Variants in CFAP58 observed in about 807,000 individuals in gnomAD.
CFAP58 encodes the protein cilia- and flagella-associated protein 58.
CFAP58 carries 88 observed loss-of-function variants against 119.5 expected under a neutral mutation model. The ratio of observed to expected loss-of-function variants is 0.74; its 90% CI spans 0.62 to 0.88. The LOEUF is 0.88. Among genes scored for constraint, CFAP58 ranks in the 40% least tolerant of loss-of-function variants. The pLI, the probability that CFAP58 is intolerant of heterozygous loss-of-function variation, is 0.00. For missense variants in CFAP58, 990 were observed against 1,021.2 expected, an observed-to-expected ratio of 0.97 and a Z score of 0.42; for synonymous variants, 365 against 366.3, an observed-to-expected ratio of 1.00 and a Z score of 0.04.
At chr10:104,380,696 A>G in intron 9 of CFAP58, among the ~76,000 whole-genome samples, 1 of 152,188 alleles carries the variant, frequency 6.6e-6, no homozygotes, top group East Asian at 1.9e-4. Context: ...AGGTGTGTCA[A>G]TATTCAAAGA....
chr10:104,403,834 G>A lies in CFAP58; in HGVS notation c.2145G>A (p.Lys715=). ...CCCTGAATGTGCACAGATGGAGGAA[G>A]CTCGAGGTAACATCTGGCAGCGTGT... ...ENPLNVHRWR[K]LEASDPNAYE... is the part of the protein sequence containing the mutation. The change falls in exon 14 of 18, where the codon AAG becomes AAA. Residue 715 remains lysine (K), a synonymous_variant. Transcript: ENST00000369704. The A allele has an allele frequency of 1.2e-6, 2 of 1,605,444 alleles. No homozygotes were observed. The highest frequency in any genetic ancestry group is 1.7e-6 in the Non-Finnish European group (2 of 1,174,174).
At chr10:104,436,044 A>G (rs951421710) in intron 15 of CFAP58, among the ~76,000 whole-genome samples, 41 of 152,010 alleles carry the variant, frequency 2.7e-4, no homozygotes, top group African/African-American at 9.7e-4. Context: ...TTCCATCTCC[A>G]TATGCTCTTG....
chr10:104,416,481 G>A (rs1362814806), intron 15 of CFAP58, among the ~76,000 whole-genome samples: 2 of 152,132 alleles, frequency 1.3e-5, no homozygotes, highest in South Asian at 2.1e-4. Context: ...CTGACTGGAT[G>A]GAAGTCTGGT....
At chr10:104,363,835 G>C (rs1303744446) in intron 3 of CFAP58, among the ~76,000 whole-genome samples, 1 of 152,236 alleles carries the variant, frequency 6.6e-6, no homozygotes, top group Non-Finnish European at 1.5e-5. Context: ...AGCTGCAAGA[G>C]TCTGCAGTGC....
intron 15 of CFAP58, among the ~76,000 whole-genome samples, chr10:104,436,427 C>T (rs190586473): frequency 1.3e-5 from 2 of 152,250 alleles, no homozygotes; most frequent in African/African-American, 2.4e-5. Flanking sequence ...TTAAGTGGCT[C>T]ATCGTTCTGT....
chr10:104,392,275 A>G lies in CFAP58; in HGVS notation c.1408A>G (p.Ile470Val). The part of the protein sequence containing the change: ...MEDIKVRETQ[I>V]FDYRKKIAES... ...AGACATAAAAGTTCGTGAAACACAG[A>G]TTTTTGACTACAGGAAAAAAATAGC... Residue 470 changes from isoleucine (I) to valine (V), a missense_variant, in exon 10 of 18, where the codon ATT becomes GTT. Coordinates refer to ENST00000369704, the MANE Select transcript of CFAP58 (RefSeq NM_001008723.2). The G allele has an allele frequency of 6.2e-7, 1 of 1,613,108 alleles. No homozygotes were observed.
intron 15 of CFAP58, among the ~76,000 whole-genome samples, chr10:104,436,888 G>A (rs995025876): frequency 1.3e-5 from 2 of 152,160 alleles, no homozygotes; most frequent in African/African-American, 4.8e-5. Flanking sequence ...TAGCCAAATT[G>A]AACTACTTAC....
Position 104,371,025 on chromosome 10 carries a change from TA to T in CFAP58, c.1067del (p.Asn356IlefsTer6). On this transcript the variant is annotated frameshift_variant, in exon 7 of 18. Transcript: ENST00000369704. LOFTEE classifies it high-confidence loss of function. ...KAEVEQHKET[L>X]KNQIVGLERE... is the part of the protein sequence containing the mutation. ...GAAGTCGAACAGCACAAAGAAACCC[TA>T]AAAAATCAGATTGTGGGATTAGAGA... is the stretch of plus-strand genomic sequence containing the variant. The T allele has an allele frequency of 1.2e-6, 2 of 1,610,380 alleles. No homozygotes were observed.
intron 15 of CFAP58, among the ~76,000 whole-genome samples, chr10:104,443,480 C>G (rs2013070437): frequency 6.6e-6 from 1 of 152,190 alleles, no homozygotes; most frequent in African/African-American, 2.4e-5. Context: ...AACTCTCACC[C>G]AAGCAAATTG....
chr10:104,362,015 C>T lies in CFAP58; in HGVS notation c.292-8C>T. 1 of 1,612,144 alleles carries T rather than the reference C, an allele frequency of 6.2e-7. No individual in the cohort carries two copies. The highest frequency in any genetic ancestry group is 1.1e-5 in the South Asian group (1 of 90,816). Reference sequence around the variant, plus strand: ...GTCTTTCTCACTGATATCCTATGGCCCATCTAGGAAATTGAAAAGGCCTGG... The same window carrying T: ...GTCTTTCTCACTGATATCCTATGGCTCATCTAGGAAATTGAAAAGGCCTGG... On this transcript the variant is annotated splice_polypyrimidine_tract_variant and splice_region_variant and intron_variant, in intron 2 of 17. Transcript: ENST00000369704.
intron 2 of CFAP58, among the ~76,000 whole-genome samples, chr10:104,361,415 C>T (rs1425088902): frequency 6.6e-6 from 1 of 152,118 alleles, no homozygotes; most frequent in African/African-American, 2.4e-5. Context: ...TTCTAAAGTT[C>T]ACATTGTCAC....
At chr10:104,375,202 T>G (rs1039902228) in intron 7 of CFAP58, among the ~76,000 whole-genome samples, 18 of 150,720 alleles carry the variant, frequency 1.2e-4, no homozygotes, top group African/African-American at 4.4e-4. Flanking sequence ...TGTACTATGA[T>G]TCCCTTTTGG....
chr10:104,440,064 C>T (rs953788146), intron 15 of CFAP58, among the ~76,000 whole-genome samples: 1 of 152,152 alleles, frequency 6.6e-6, no homozygotes, highest in Non-Finnish European at 1.5e-5. Flanking sequence ...CCTCGTGATC[C>T]ACCCGCCTGG....
At chr10:104,391,653 A>T (rs778310457) in intron 9 of CFAP58, among the ~76,000 whole-genome samples, 24 of 152,188 alleles carry the variant, frequency 1.6e-4, no homozygotes, top group Non-Finnish European at 3.2e-4. Context: ...AAAATGAGGC[A>T]GTAGTTCTTG....
intron 8 of CFAP58, among the ~76,000 whole-genome samples, chr10:104,379,323 G>A (rs7908436): frequency 0.42 from 63,186 of 152,042 alleles, 13,339 homozygotes; most frequent in Middle Eastern, 0.5. Flanking sequence ...AAGTTCATCC[G>A]TTGTAGCACG....
Position 104,364,718 on chromosome 10 carries a change from G to A in CFAP58, c.441-15G>A, listed in dbSNP as rs1486156407. ...GATGGCCATTTAGTCTGACTCCTGT[G>A]TTCTTCCTTTTTAGCATCCGAGATT... On this transcript the variant is annotated splice_polypyrimidine_tract_variant and intron_variant, in intron 3 of 17. Coordinates refer to ENST00000369704, the MANE Select transcript of CFAP58 (RefSeq NM_001008723.2). 1 of 1,612,354 alleles carries A rather than the reference G, an allele frequency of 6.2e-7. No individual in the cohort carries two copies.
intron 9 of CFAP58, among the ~76,000 whole-genome samples, chr10:104,388,393 G>A (rs1454093382): frequency 6.6e-6 from 1 of 152,146 alleles, no homozygotes; most frequent in Non-Finnish European, 1.5e-5. Context: ...AGCCCTGTGA[G>A]ATAGATATTA....
At position 104,399,440 on chromosome 10, in the gene CFAP58, C is replaced by G; in HGVS notation, c.1755C>G (p.Leu585=). The G allele has an allele frequency of 6.2e-7, 1 of 1,613,834 alleles. No homozygotes were observed. Residue 585 remains leucine, a synonymous_variant, in exon 12 of 18, where the codon CTC becomes CTG. Transcript: ENST00000369704. ...AGCAAGAAGCTGAAGAGAGAAAACTCCTGCGAATAATTGCTGAGGCTGACG... is the reference window on the plus strand; with the variant it reads ...AGCAAGAAGCTGAAGAGAGAAAACTGCTGCGAATAATTGCTGAGGCTGACG... The part of the protein sequence containing the change: ...IEKQEAEERK[L]LRIIAEADGE...
intron 17 of CFAP58, among the ~76,000 whole-genome samples, chr10:104,450,599 C>G (rs2013178313): frequency 6.6e-6 from 1 of 152,162 alleles, no homozygotes; most frequent in Non-Finnish European, 1.5e-5. Context: ...GCTAAGGGAC[C>G]AGGGCTTAGT....
Sources: gnomAD v4.1 joint callset for allele counts (sites outside exome capture counted in the v4.1 genomes callset) on GRCh38, gnomAD v4.1.1 for gene constraint, MANE v1.5 for transcripts, NCBI Gene and HGNC (gene_info 2026-07-23, HGNC 2026-07-21) for gene names.